Variants in ITM2C observed in about 807,000 individuals in gnomAD.
ITM2C encodes the protein BRICHOS domain containing 2C.
ITM2C carries 20 observed loss-of-function variants against 30.0 expected under a neutral mutation model. That is an observed-to-expected ratio of 0.67 (90% confidence interval 0.47 to 0.97). The LOEUF is 0.97. ITM2C is among the 50% of genes least tolerant of loss of function. ITM2C has a pLI of 0.00. For missense variants in ITM2C, 366 were observed against 371.9 expected, an observed-to-expected ratio of 0.98 and a Z score of 0.13; for synonymous variants, 167 against 156.4, an observed-to-expected ratio of 1.07 and a Z score of -0.51.
intron 2 of ITM2C, among the ~76,000 whole-genome samples, chr2:230,875,224 C>A (rs1302097298): frequency 1.3e-5 from 2 of 152,200 alleles, no homozygotes; most frequent in Non-Finnish European, 2.9e-5. Flanking sequence ...AGGTCCTAGT[C>A]CTGCTGGGCC....
Position 230,877,897 on chromosome 2 carries a change from C to A in ITM2C, c.713-111C>A. On this transcript the variant is annotated intron_variant, in intron 5 of 5. Transcript: ENST00000326427. This position sits in a 1 kb window ranked among gnomAD's most constrained non-coding sequence, Gnocchi z 4.8. ...TTCTCACTGTGCTCTTTGGGTGAAT[C>A]TGGGTGAATGGTGTCACTTCCTGGC... The A allele has an allele frequency of 1.2e-6, 1 of 829,886 alleles. No homozygotes were observed. Among genetic ancestry groups the A allele is most frequent in the Non-Finnish European group, 2.0e-6 (1 of 511,700 alleles). The allele number at this position is 829,886 out of a possible 1,614,324, so 51.4% of individuals were successfully genotyped here.
intron 3 of ITM2C, among the ~76,000 whole-genome samples, 185 bp from the exon 4 acceptor site, chr2:230,876,672 G>A (rs576104248): frequency 1.3e-5 from 2 of 152,094 alleles, no homozygotes; most frequent in South Asian, 2.1e-4. Context: ...TAGTAGAGAC[G>A]GGGTTTCACC....
chr2:230,865,304 AG>A lies in ITM2C; in HGVS notation c.120+161del. The A allele has an allele frequency of 1.3e-6, 1 of 744,886 alleles. No individual in the cohort carries two copies. The highest frequency in any genetic ancestry group is 1.8e-5 in the African/African-American group (1 of 54,930). The allele number at this position is 744,886 out of a possible 1,614,324, so 46.1% of individuals were successfully genotyped here. ...TCGAATGGTTGCTTATCCCAGAATG[AG>A]GAGGGGGCTTAAGTCCCGTACTAAA... On this transcript the variant is annotated intron_variant, in intron 1 of 5. Coordinates refer to ENST00000326427, the MANE Select transcript of ITM2C (RefSeq NM_030926.6). This position sits in a 1 kb window ranked among gnomAD's most constrained non-coding sequence, Gnocchi z 6.8.
In ITM2C at chr2:230,877,627, G is replaced by T; in HGVS notation, c.712+77G>T. On this transcript the variant is annotated intron_variant, in intron 5 of 5. Coordinates refer to ENST00000326427, the MANE Select transcript of ITM2C (RefSeq NM_030926.6). The surrounding 1 kb of genome is among the most constrained non-coding windows in gnomAD (Gnocchi z 4.8). ...AGTTATCTTCACGCCTAGCCCAGCT[G>T]TCAGAGAGCTCAGATAGCAGCAGCA... The T allele has an allele frequency of 6.7e-7, 1 of 1,497,464 alleles. No homozygotes were observed. The highest frequency in any genetic ancestry group is 9.2e-7 in the Non-Finnish European group (1 of 1,087,610). The allele number at this position is 1,497,464 out of a possible 1,614,324, so 92.8% of individuals were successfully genotyped here.
chr2:230,869,864 C>T (rs1046346884), intron 1 of ITM2C, among the ~76,000 whole-genome samples: 3 of 152,202 alleles, frequency 2.0e-5, no homozygotes, highest in Non-Finnish European at 4.4e-5. Flanking sequence ...CCTGGACTTC[C>T]GGCTCATGCG....
Position 230,873,472 on chromosome 2 carries a change from G to C in ITM2C, c.176G>C (p.Cys59Ser). Residue 59 changes from cysteine (C) to serine (S), a missense_variant, in exon 2 of 6, where the codon TGC becomes TCC. By Grantham distance (112) the Cys-to-Ser change is moderately radical. Transcript: ENST00000326427. ...SKRGGSVGGV[C>S]YLSMGMVVLL... ...AGGGGGGGCTCAGTGGGCGGCGTGTGCTACCTGTCGATGGGCATGGTCGTG... is the reference window on the plus strand; with the variant it reads ...AGGGGGGGCTCAGTGGGCGGCGTGTCCTACCTGTCGATGGGCATGGTCGTG... 1 of 1,610,382 alleles carries C rather than the reference G, an allele frequency of 6.2e-7. No homozygotes were observed. Among genetic ancestry groups the C allele is most frequent in the Non-Finnish European group, 8.5e-7 (1 of 1,178,340 alleles).
At position 230,865,333 on chromosome 2, in the gene ITM2C, G is replaced by T. The variant is rs1030830401; in HGVS notation, c.120+188G>T. On this transcript the variant is annotated intron_variant, in intron 1 of 5. Coordinates refer to ENST00000326427, the MANE Select transcript of ITM2C (RefSeq NM_030926.6). The surrounding 1 kb of genome is among the most constrained non-coding windows in gnomAD (Gnocchi z 6.8). ...GGGGGCTTAAGTCCCGTACTAAAGC[G>T]GCAGCCAAAAGCTGAAGTCCGAAGA... 5.3e-6 allele frequency: 3 copies of T among 565,364 alleles called. No homozygotes were observed. The highest frequency in any genetic ancestry group is 7.9e-6 in the Non-Finnish European group (3 of 378,654). The allele number at this position is 565,364 out of a possible 1,614,324, so 35.0% of individuals were successfully genotyped here. A position where few individuals can be genotyped will look rare whatever the true frequency, so the allele number is the denominator to read the frequency against.
intron 1 of ITM2C, among the ~76,000 whole-genome samples, chr2:230,869,735 C>T (rs909443698): frequency 1.3e-5 from 2 of 152,190 alleles, no homozygotes; most frequent in Admixed American, 6.5e-5. Flanking sequence ...CGAGTTAATG[C>T]TACAGTTGGC....
Position 230,864,948 on chromosome 2 carries a change from A to C in ITM2C, c.-78A>C, listed in dbSNP as rs1021306232. ...CGGGATCCAAACTTCCGGTGCCTGC[A>C]GAGCTCGGAGCGGCGGAGGCAGAGA... On this transcript the variant is annotated 5_prime_UTR_variant, in exon 1 of 6. Coordinates refer to ENST00000326427, the MANE Select transcript of ITM2C (RefSeq NM_030926.6). The surrounding 1 kb of genome is among the most constrained non-coding windows in gnomAD (Gnocchi z 4.3). 1.5e-6 allele frequency: 2 copies of C among 1,323,918 alleles called. No individual in the cohort carries two copies. The highest frequency in any genetic ancestry group is 4.0e-5 in the South Asian group (2 of 50,168). 82.0% of individuals were successfully genotyped at this position (1,323,918 alleles called of 1,614,324 possible). A position where few individuals can be genotyped will look rare whatever the true frequency, so the allele number is the denominator to read the frequency against.
chr2:230,875,808 G>A lies in ITM2C; in HGVS notation c.450G>A (p.Arg150=). ...CAGACATCATCCATGACTTCCAGCG[G>A]GTGAGGCTGGCCAGGGCCTGGGGGT... ...DPADIIHDFQ[R]GLTAYHDISL... is the part of the protein sequence containing the mutation. Residue 150 remains arginine, a splice_region_variant and synonymous_variant, in exon 3 of 6, where the codon CGG becomes CGA. Coordinates refer to ENST00000326427, the MANE Select transcript of ITM2C (RefSeq NM_030926.6). 3 of 1,227,170 alleles carry A rather than the reference G, an allele frequency of 2.4e-6. No homozygotes were observed. The highest frequency in any genetic ancestry group is 1.1e-6 in the Non-Finnish European group (1 of 919,490). 76.0% of individuals were successfully genotyped at this position (1,227,170 alleles called of 1,614,324 possible). A position where few individuals can be genotyped will look rare whatever the true frequency, so the allele number is the denominator to read the frequency against.
At chr2:230,876,063 AT>A in intron 3 of ITM2C, among the ~76,000 whole-genome samples, 5 of 123,864 alleles carry the variant, frequency 4.0e-5, no homozygotes, top group African/African-American at 1.8e-4. Flanking sequence ...AGTGCGTTGT[AT>A]CGAGGGGTAG....
At chr2:230,876,713 C>A (rs961223071) in intron 3 of ITM2C, 144 bp from the exon 4 acceptor site, 4 of 592,370 alleles carry the variant, frequency 6.8e-6, no homozygotes, top group African/African-American at 1.8e-5. Context: ...GATCTCCTGA[C>A]CTTTGATCCG....
chr2:230,874,668 G>C (rs1377516658), intron 2 of ITM2C, among the ~76,000 whole-genome samples: 1 of 152,204 alleles, frequency 6.6e-6, no homozygotes, highest in Admixed American at 6.5e-5. Context: ...GCCCACAGGA[G>C]CCCCCCATGC....
rs1689949713 is a variant in ITM2C at position 230,877,676 on chromosome 2, A to G, written c.712+126A>G. On this transcript the variant is annotated intron_variant, in intron 5 of 5. Coordinates refer to ENST00000326427, the MANE Select transcript of ITM2C (RefSeq NM_030926.6). This position sits in a 1 kb window ranked among gnomAD's most constrained non-coding sequence, Gnocchi z 4.8. Reference sequence around the variant, plus strand: ...CAATAACAGCTAGCATTAGCAGAGCACTTCCGTGTGCCGGGCAATGCTGTG... The same window carrying G: ...CAATAACAGCTAGCATTAGCAGAGCGCTTCCGTGTGCCGGGCAATGCTGTG... 1 of 999,770 alleles carries G rather than the reference A, an allele frequency of 1.0e-6. No homozygotes were observed. Among genetic ancestry groups the G allele is most frequent in the Middle Eastern group, 3.2e-4 (1 of 3,112 alleles). The allele number at this position is 999,770 out of a possible 1,614,324, so 61.9% of individuals were successfully genotyped here.
rs1019385586 is a variant in ITM2C at position 230,877,154 on chromosome 2, C to T, written c.561+187C>T. On this transcript the variant is annotated intron_variant, in intron 4 of 5. Transcript: ENST00000326427. This position sits in a 1 kb window ranked among gnomAD's most constrained non-coding sequence, Gnocchi z 4.8. ...TGCTATCCCCCTGCTTCCACATCTC[C>T]AGAGTCAATGCCCCGAGACCGGCTT... Among the ~76,000 whole-genome samples, 8 of 152,194 alleles carry T rather than the reference C, an allele frequency of 5.3e-5. No homozygotes were observed. The highest frequency in any genetic ancestry group is 1.0e-4 in the Non-Finnish European group (7 of 68,032).
Position 230,864,975 on chromosome 2 carries a change from C to CGAGGCTGCACCGGCA in ITM2C, c.-42_-28dup. The CGAGGCTGCACCGGCA allele has an allele frequency of 7.1e-7, 1 of 1,399,932 alleles. No individual in the cohort carries two copies. The highest frequency in any genetic ancestry group is 2.8e-5 in the Admixed American group (1 of 36,004). The allele number at this position is 1,399,932 out of a possible 1,614,324, so 86.7% of individuals were successfully genotyped here. Reference sequence around the variant, plus strand: ...AGCTCGGAGCGGCGGAGGCAGAGACCGAGGCTGCACCGGCAGAGGCTGCGG... The same window carrying CGAGGCTGCACCGGCA: ...AGCTCGGAGCGGCGGAGGCAGAGACCGAGGCTGCACCGGCAGAGGCTGCACCGGCAGAGGCTGCGG... On this transcript the variant is annotated 5_prime_UTR_variant, in exon 1 of 6. Transcript: ENST00000326427. The surrounding 1 kb of genome is among the most constrained non-coding windows in gnomAD (Gnocchi z 4.3).
Position 230,877,470 on chromosome 2 carries a change from A to C in ITM2C, c.632A>C (p.Lys211Thr). The C allele has an allele frequency of 6.2e-7, 1 of 1,614,084 alleles. No individual in the cohort carries two copies. Among genetic ancestry groups the C allele is most frequent in the Non-Finnish European group, 8.5e-7 (1 of 1,179,994 alleles). The change falls in exon 5 of 6, where the codon AAG (lysine) becomes ACG (threonine). Residue 211 changes from lysine (K) to threonine (T), a missense_variant. By Grantham distance (78) the Lys-to-Thr change is moderately conservative. Transcript: ENST00000326427. The surrounding 1 kb of genome is among the most constrained non-coding windows in gnomAD (Gnocchi z 4.8). ...EMVVTEHVSD[K>T]EALGSFIYHL... The stretch of plus-strand genomic sequence containing the variant: ...GTGGTCACGGAGCATGTCAGTGACA[A>C]GGAGGCCCTGGGGTCCTTCATCTAC...
intron 1 of ITM2C, among the ~76,000 whole-genome samples, chr2:230,870,491 C>T (rs2125017425): frequency 6.6e-6 from 1 of 152,340 alleles, no homozygotes; most frequent in East Asian, 1.9e-4. Context: ...TGGGGGACAT[C>T]AGCAGGGCCA....
At position 230,873,449 on chromosome 2, in the gene ITM2C, G is replaced by T. The variant is rs202093236; in HGVS notation, c.153G>T (p.Arg51Ser). ...EEQPPQHRSK[R>S]GGSVGGVCYL... The stretch of plus-strand genomic sequence containing the variant: ...AGCCCCCACAACATCGATCCAAGAG[G>T]GGGGGCTCAGTGGGCGGCGTGTGCT... Residue 51 changes from arginine to serine, a missense_variant, in exon 2 of 6, where the codon AGG becomes AGT. Arg to Ser is a moderately radical substitution (Grantham distance 110). Transcript: ENST00000326427. 5.4e-5 allele frequency: 86 copies of T among 1,606,560 alleles called. No individual in the cohort carries two copies. The highest frequency in any genetic ancestry group is 3.3e-4 in the Middle Eastern group (2 of 6,056).
Sources: allele counts gnomAD v4.1 joint callset (sites outside exome capture counted in the v4.1 genomes callset), GRCh38; gene constraint gnomAD v4.1.1; non-coding constraint Gnocchi (gnomAD v3.1); transcripts MANE v1.5; gene names NCBI Gene and HGNC (gene_info 2026-07-23, HGNC 2026-07-21).